The following VPS37A variants were observed in gnomAD, a reference collection of about 807,000 sequenced individuals.
VPS37A encodes vacuolar protein sorting-associated protein 37A.
Under a neutral mutation model 49.8 loss-of-function variants are expected in VPS37A, and 30 were observed. That is an observed-to-expected ratio of 0.60 (90% CI 0.45 to 0.82). The LOEUF (loss-of-function observed/expected upper bound fraction) is 0.82. Ranked by LOEUF, VPS37A falls within the 40% of genes least tolerant of loss-of-function variation. The pLI, the probability that VPS37A is intolerant of heterozygous loss-of-function variation, is 0.00. For missense variants in VPS37A, 593 were observed against 464.4 expected (o/e 1.28, Z -2.55); for synonymous variants, 195 against 160.6 (o/e 1.21, Z -1.62).
rs1450753086 is a variant in VPS37A at position 17,274,728 on chromosome 8, T to C, written c.417-5T>C. ...AATGTAATGATCTTCTCTTTTTCTTTTCAGTCTATACAGTAACCCAAGTGG... is the reference window on the plus strand; with the variant it reads ...AATGTAATGATCTTCTCTTTTTCTTCTCAGTCTATACAGTAACCCAAGTGG... On this transcript the variant is annotated splice_polypyrimidine_tract_variant and splice_region_variant and intron_variant, in intron 4 of 11. Coordinates refer to ENST00000324849, the MANE Select transcript of VPS37A (RefSeq NM_152415.3). The C allele has an allele frequency of 6.2e-7, 1 of 1,605,278 alleles. No individual in the cohort carries two copies. The highest frequency in any genetic ancestry group is 2.2e-5 in the East Asian group (1 of 44,824).
the VPS37A span, chr8:17,311,911 T>C: frequency 5.0e-4 from 172 of 345,326 alleles, 1 homozygote; most frequent in East Asian, 7.7e-3. Context: ...ATTCGTCCTA[T>C]GCAAACGGAC....
the VPS37A span, among the ~76,000 whole-genome samples, chr8:17,331,896 G>C: frequency 1.3e-5 from 2 of 152,112 alleles, no homozygotes; most frequent in South Asian, 2.1e-4. Flanking sequence ...GATCTATTGG[G>C]CTTTTTGATC....
Position 17,247,387 on chromosome 8 carries a change from C to G in VPS37A, c.125+18C>G. ...CACTCCAGGTGACTGGTCGCTGCCT[C>G]TCCACCGGAGGAAAAAGTAGGGTGG... On this transcript the variant is annotated intron_variant, in intron 1 of 11. Transcript: ENST00000324849. 1.3e-6 allele frequency: 2 copies of G among 1,530,540 alleles called. No individual in the cohort carries two copies. Among genetic ancestry groups the G allele is most frequent in the Non-Finnish European group, 1.8e-6 (2 of 1,141,672 alleles). 94.8% of individuals were successfully genotyped at this position (1,530,540 alleles called of 1,614,324 possible). A position where few individuals can be genotyped will look rare whatever the true frequency, so the allele number is the denominator to read the frequency against.
intron 6 of VPS37A, among the ~76,000 whole-genome samples, chr8:17,277,658 A>C (rs1814645610): frequency 6.6e-6 from 1 of 151,980 alleles, no homozygotes; most frequent in African/African-American, 2.4e-5. Flanking sequence ...CCATAACCCC[A>C]GTCACCATCA....
the VPS37A span, among the ~76,000 whole-genome samples, chr8:17,312,135 A>G: frequency 2.0e-5 from 3 of 152,274 alleles, no homozygotes; most frequent in Non-Finnish European, 2.9e-5. Context: ...GAAAATCTCC[A>G]GTAAGAAAAG....
At chr8:17,306,061 A>G (rs1817434917), downstream of VPS37A, 1 of 864,472 alleles carries the variant, frequency 1.2e-6, no homozygotes, top group Non-Finnish European at 1.7e-6. Flanking sequence ...TCCTAAATAA[A>G]TCTTATCTTA....
intron 2 of VPS37A, 30 bp downstream of exon 2, chr8:17,266,011 G>C (rs759179567): frequency 1.1e-5 from 17 of 1,574,046 alleles, no homozygotes; most frequent in Non-Finnish European, 1.4e-5. Context: ...ACTTTTTCAT[G>C]TAAAAGGACT....
chr8:17,255,932 C>G (rs1812406653), intron 1 of VPS37A, among the ~76,000 whole-genome samples: 1 of 152,118 alleles, frequency 6.6e-6, no homozygotes, highest in African/African-American at 2.4e-5. Flanking sequence ...TTTATCCATT[C>G]ATTTGTTGAT....
At chr8:17,247,630 T>A in intron 1 of VPS37A, 1 of 704,864 alleles carries the variant, frequency 1.4e-6, no homozygotes, top group South Asian at 1.5e-5. Flanking sequence ...AGCTGCTGAC[T>A]GTAATCTCTC....
rs533636827 is a variant in VPS37A at position 17,247,422 on chromosome 8, C to A, written c.125+53C>A. On this transcript the variant is annotated intron_variant, in intron 1 of 11. Coordinates refer to ENST00000324849, the MANE Select transcript of VPS37A (RefSeq NM_152415.3). ...GGAAAAAGTAGGGTGGGAGGGCGGG[C>A]TTGTCCTAACCACCCTCACAGCGCC... 583 of 1,511,690 alleles carry A rather than the reference C, an allele frequency of 3.9e-4. 3 individuals carry two copies. In the African/African-American group the frequency reaches 7.5e-3, roughly 20 times the overall value. The allele number at this position is 1,511,690 out of a possible 1,614,324, so 93.6% of individuals were successfully genotyped here. A position where few individuals can be genotyped will look rare whatever the true frequency, so the allele number is the denominator to read the frequency against.
intron 1 of VPS37A, among the ~76,000 whole-genome samples, chr8:17,249,152 G>A (rs1811743588): frequency 6.6e-6 from 1 of 152,100 alleles, no homozygotes; most frequent in African/African-American, 2.4e-5. Context: ...TTTCTTCGAG[G>A]TTGGAGTTTA....
chr8:17,301,771 A>ATAGT (rs1487042937), downstream of VPS37A: 1 of 233,092 alleles, frequency 4.3e-6, no homozygotes, highest in African/African-American at 2.3e-5. Flanking sequence ...GATTAATATC[A>ATAGT]TAGTTAACAT....
chr8:17,255,720 TA>T (rs1812389358), intron 1 of VPS37A, among the ~76,000 whole-genome samples: 1 of 152,188 alleles, frequency 6.6e-6, no homozygotes, highest in South Asian at 2.1e-4. Flanking sequence ...TTACCCTTCC[TA>T]GTGTCTGGAA....
rs569422267 is a variant in VPS37A, at chr8:17,281,998, C to T, written c.969+1555C>T. 6.0e-4 allele frequency among the ~76,000 whole-genome samples: 91 copies of T among 152,016 alleles called. 1 individual carries two copies. In the Middle Eastern group the frequency reaches 0.024, roughly 40 times the overall value. On this transcript the variant is annotated intron_variant, in intron 9 of 11. Transcript: ENST00000324849. ...AATAACTTAGAAATTGAATACAGTTCTTATCAAAATGCCAAGAATATTTTT... is the reference window on the plus strand; with the variant it reads ...AATAACTTAGAAATTGAATACAGTTTTTATCAAAATGCCAAGAATATTTTT...
At chr8:17,309,428 C>T in the VPS37A span, 1 of 803,552 alleles carries the variant, frequency 1.2e-6, no homozygotes, top group Non-Finnish European at 2.1e-6. Context: ...TGCAGAAGTC[C>T]CCATCCTCGA....
chr8:17,320,889 A>G, the VPS37A span, among the ~76,000 whole-genome samples: 1 of 152,192 alleles, frequency 6.6e-6, no homozygotes. Context: ...ACCCCAGGCC[A>G]TGCCCCAAAG....
At chr8:17,299,241 A>G (rs1816939119), downstream of VPS37A, 2 of 152,296 alleles carry the variant, frequency 1.3e-5, no homozygotes, top group Admixed American at 6.5e-5. Context: ...AACAGACTAT[A>G]GATCTCAGAG....
At chr8:17,275,457 A>G (rs758503708) in intron 5 of VPS37A, among the ~76,000 whole-genome samples, 26 of 152,220 alleles carry the variant, frequency 1.7e-4, no homozygotes, top group Non-Finnish European at 3.4e-4. Flanking sequence ...ACATTGAGGT[A>G]GAAACTGGAT....
chr8:17,286,251 C>T (rs542224128), intron 10 of VPS37A, 96 bp from the exon 11 acceptor site: 4 of 922,674 alleles, frequency 4.3e-6, no homozygotes, highest in Admixed American at 2.8e-5. Flanking sequence ...TAAAATAATG[C>T]CAACAAGTTA....
Sources: gnomAD v4.1 joint callset for allele counts (sites outside exome capture counted in the v4.1 genomes callset) on GRCh38, gnomAD v4.1.1 for gene constraint, MANE v1.5 for transcripts, NCBI Gene and HGNC (gene_info 2026-07-23, HGNC 2026-07-21) for gene names.